The following MAGI3 variants were observed in gnomAD, a reference collection of about 807,000 sequenced individuals.
The protein encoded by MAGI3 is membrane associated guanylate kinase, WW and PDZ domain containing 3.
A neutral mutation model predicts 121.8 loss-of-function variants in MAGI3; 43 were observed. The observed-to-expected ratio is 0.35, with a 90% confidence interval of 0.28 to 0.46. The LOEUF (loss-of-function observed/expected upper bound fraction) is 0.46. MAGI3 is among the 20% of genes least tolerant of loss of function. The pLI is 1.00. For synonymous variants in MAGI3, 553 were observed against 639.3 expected, an observed-to-expected ratio of 0.86 and a Z score of 2.04; for missense variants, 1,547 against 1,797.3, an observed-to-expected ratio of 0.86 and a Z score of 2.52.
At chr1:113,650,977 A>G in intron 13 of MAGI3, 37 bp from the exon 14 acceptor site, 1 of 1,578,622 alleles carries the variant, frequency 6.3e-7, no homozygotes, top group Non-Finnish European at 8.6e-7. Flanking sequence ...GCTAAACTTT[A>G]CACTGTGGAC....
rs568466384 is a variant in MAGI3 at position 113,580,428 on chromosome 1, A to G, written c.434-114A>G. On this transcript the variant is annotated intron_variant, in intron 2 of 20. Coordinates refer to ENST00000307546, the MANE Select transcript of MAGI3 (RefSeq NM_001142782.2). ...AATTTTACCTTAATAAAGTTGGGGC[A>G]GGGGAATGAAACATCTCTTATGTGT... The G allele has an allele frequency of 2.3e-4, 191 of 830,686 alleles. 3 individuals are homozygous for G. In the East Asian group the frequency reaches 5.5e-3, roughly 24 times the overall value. 51.5% of individuals were successfully genotyped at this position (830,686 alleles called of 1,614,324 possible).
intron 1 of MAGI3, among the ~76,000 whole-genome samples, chr1:113,465,787 C>T (rs981245653): frequency 9.2e-5 from 14 of 152,062 alleles, no homozygotes; most frequent in African/African-American, 3.1e-4. Flanking sequence ...TTCTTGATTT[C>T]TTTTTCACTT....
chr1:113,668,537 A>G (rs1647302677), intron 16 of MAGI3, among the ~76,000 whole-genome samples: 1 of 150,054 alleles, frequency 6.7e-6, no homozygotes, highest in Admixed American at 6.6e-5. Flanking sequence ...CTTAAATTTG[A>G]TGAAGACAAC....
intron 1 of MAGI3, among the ~76,000 whole-genome samples, chr1:113,511,187 G>A (rs2101611203): frequency 6.6e-6 from 1 of 152,298 alleles, no homozygotes; most frequent in South Asian, 2.1e-4. Flanking sequence ...AAGGAATATA[G>A]TACCTTTTTC....
chr1:113,505,142 A>AG (rs1226035092), intron 1 of MAGI3, among the ~76,000 whole-genome samples: 1 of 152,178 alleles, frequency 6.6e-6, no homozygotes, highest in Non-Finnish European at 1.5e-5. Flanking sequence ...AAAGGGAGGT[A>AG]GGCCCATACC....
intron 2 of MAGI3, among the ~76,000 whole-genome samples, chr1:113,575,675 C>A (rs936809988): frequency 8.5e-5 from 13 of 152,196 alleles, no homozygotes; most frequent in Non-Finnish European, 1.8e-4. Context: ...GGGTCAGGGA[C>A]CCACTTGAGG....
In MAGI3 at chr1:113,672,622, C is replaced by T. The variant is rs761808262; in HGVS notation, c.2926C>T (p.Leu976=). The T allele has an allele frequency of 3.7e-6, 6 of 1,613,116 alleles. No individual in the cohort carries two copies. The African/African-American group carries it at 8.0e-5, about 22-fold the overall frequency. Residue 976 remains leucine, a synonymous_variant, in exon 18 of 21, where the codon CTA becomes TTA. Transcript: ENST00000307546. ...GATTTCTCTCTCTTGTAGAAGTGCC[C>T]TAGAAGGTGAAATTGGAAAAGATGT... is the stretch of plus-strand genomic sequence containing the variant. ...ANHIPGDRSA[L]EGEIGKDVST...
At chr1:113,631,917 A>C (rs942946096) in intron 9 of MAGI3, among the ~76,000 whole-genome samples, 12 of 152,166 alleles carry the variant, frequency 7.9e-5, no homozygotes, top group African/African-American at 2.9e-4. Flanking sequence ...GAGAAGGTTG[A>C]AGACTAGTTT....
At chr1:113,403,216 A>G (rs1017059356) in intron 1 of MAGI3, among the ~76,000 whole-genome samples, 1 of 152,016 alleles carries the variant, frequency 6.6e-6, no homozygotes, top group Non-Finnish European at 1.5e-5. Context: ...GGAAAGTGGC[A>G]ATCAGGAGGT....
chr1:113,566,604 T>A (rs572209111), intron 2 of MAGI3, among the ~76,000 whole-genome samples: 12 of 152,198 alleles, frequency 7.9e-5, no homozygotes, highest in African/African-American at 2.9e-4. Flanking sequence ...CAAAGTATCA[T>A]CTCTGACCAT....
intron 1 of MAGI3, among the ~76,000 whole-genome samples, chr1:113,504,618 G>A (rs1486023322): frequency 6.6e-6 from 1 of 152,088 alleles, no homozygotes; most frequent in Non-Finnish European, 1.5e-5. Context: ...GGAAATGTAA[G>A]AGTTATTTTA....
chr1:113,545,645 T>C (rs1252002237), intron 1 of MAGI3, among the ~76,000 whole-genome samples: 1 of 152,258 alleles, frequency 6.6e-6, no homozygotes, highest in Non-Finnish European at 1.5e-5. Context: ...AGGATTTGTA[T>C]GTTGAAACTT....
chr1:113,658,155 T>A lies in MAGI3; in HGVS notation c.2630-925T>A, dbSNP rs544271842. On this transcript the variant is annotated intron_variant, in intron 15 of 20. Transcript: ENST00000307546. This position sits in a 1 kb window ranked among gnomAD's most constrained non-coding sequence, Gnocchi z 4.0. ...AAGTTTACTGACCTAGGCTAGGAAA[T>A]TCTCAGAGAACATAGAAGGAACATT... Among the ~76,000 whole-genome samples, 75 of 152,334 alleles carry A rather than the reference T, an allele frequency of 4.9e-4. 1 individual carries two copies. The highest frequency in any genetic ancestry group is 1.7e-3 in the African/African-American group (71 of 41,584).
rs139934417 is a variant in MAGI3, at chr1:113,528,737, A to G, written c.317-20778A>G. Among the ~76,000 whole-genome samples, 57 of 152,308 alleles carry G rather than the reference A, an allele frequency of 3.7e-4. No individual in the cohort carries two copies. The East Asian group carries it at 0.011, about 28-fold the overall frequency. ...GTAAATAAGAATTTTGCACCTGGAA[A>G]TGAACAACATAATTACTTATTTGCT... is the stretch of plus-strand genomic sequence containing the variant. On this transcript the variant is annotated intron_variant, in intron 1 of 20. Transcript: ENST00000307546.
intron 9 of MAGI3, among the ~76,000 whole-genome samples, chr1:113,633,130 A>G (rs1651748054): frequency 8.1e-6 from 1 of 123,124 alleles, no homozygotes; most frequent in Non-Finnish European, 1.6e-5. Flanking sequence ...TTCACTTCCC[A>G]CCTATGAGTG....
intron 1 of MAGI3, among the ~76,000 whole-genome samples, chr1:113,518,430 G>A (rs1351184663): frequency 1.3e-5 from 2 of 152,016 alleles, no homozygotes; most frequent in Non-Finnish European, 2.9e-5. Flanking sequence ...GTTGGGAAAA[G>A]CAAGGTAGTT....
intron 2 of MAGI3, among the ~76,000 whole-genome samples, chr1:113,565,814 A>G (rs897767451): frequency 3.9e-5 from 6 of 152,210 alleles, no homozygotes; most frequent in Non-Finnish European, 7.3e-5. Context: ...GAACAGCTGC[A>G]AGTAAGACTG....
At chr1:113,479,993 T>C (rs1454201755) in intron 1 of MAGI3, among the ~76,000 whole-genome samples, 1 of 152,178 alleles carries the variant, frequency 6.6e-6, no homozygotes, top group Non-Finnish European at 1.5e-5. Context: ...TGTTCATGCA[T>C]TGTTTTCCTG....
intron 6 of MAGI3, among the ~76,000 whole-genome samples, chr1:113,598,675 A>C (rs1254420068): frequency 6.6e-6 from 1 of 152,174 alleles, no homozygotes; most frequent in African/African-American, 2.4e-5. Context: ...CCCCAGATTC[A>C]TGAAACAATT....
Sources: gnomAD v4.1 joint callset for allele counts (sites outside exome capture counted in the v4.1 genomes callset) on GRCh38, gnomAD v4.1.1 for gene constraint, Gnocchi (gnomAD v3.1) non-coding constraint, MANE v1.5 for transcripts, NCBI Gene and HGNC (gene_info 2026-07-23, HGNC 2026-07-21) for gene names.